The following DOCK3 variants were observed in gnomAD, a reference collection of about 807,000 sequenced individuals.
The protein encoded by DOCK3 is dedicator of cytokinesis 3.
DOCK3 carries 60 observed loss-of-function variants against 265.6 expected under a neutral mutation model. The ratio of observed to expected loss-of-function variants is 0.23; its 90% confidence interval spans 0.18 to 0.28. DOCK3 has a LOEUF of 0.28. Ranked by LOEUF, DOCK3 falls within the 10% of genes least tolerant of loss-of-function variation. The pLI, the probability that DOCK3 is intolerant of heterozygous loss-of-function variation, is 1.00. For synonymous variants in DOCK3, 881 were observed against 938.0 expected, an observed-to-expected ratio of 0.94 and a Z score of 1.11; for missense variants, 1,981 against 2,594.3, an observed-to-expected ratio of 0.76 and a Z score of 5.14.
At chr3:50,848,051 T>A (rs1353113247) in intron 3 of DOCK3, among the ~76,000 whole-genome samples, 1 of 28,622 alleles carries the variant, frequency 3.5e-5, no homozygotes, top group African/African-American at 1.4e-4. Flanking sequence ...TATATCACGC[T>A]CTTCTTTGTC....
At position 51,338,392 on chromosome 3, in the gene DOCK3, G is replaced by A. The variant is rs943567993; in HGVS notation, c.3645G>A (p.Lys1215=). 1 of 1,551,846 alleles carries A rather than the reference G, an allele frequency of 6.4e-7. No individual in the cohort carries two copies. The highest frequency in any genetic ancestry group is 1.7e-4 in the Middle Eastern group (1 of 5,992). ...TGAAAGGAGAGGAAACAGAGAATAA[G>A]AAGATAGGCTGCACTGTTAACCTGA... ...DCMKGEETEN[K]KIGCTVNLMN... is the part of the protein sequence containing the mutation. The change falls in exon 36 of 53, where the codon AAG becomes AAA. Residue 1215 remains lysine, a synonymous_variant. Transcript: ENST00000266037.
intron 12 of DOCK3, among the ~76,000 whole-genome samples, chr3:51,187,131 A>G (rs1391467546): frequency 6.6e-6 from 1 of 152,206 alleles, no homozygotes; most frequent in Non-Finnish European, 1.5e-5. Context: ...AGCAGCCAGG[A>G]GAGGGGCTAT....
intron 14 of DOCK3, among the ~76,000 whole-genome samples, chr3:51,218,905 T>C (rs543495044): frequency 6.6e-6 from 1 of 152,278 alleles, no homozygotes; most frequent in African/African-American, 2.4e-5. Flanking sequence ...GCAATTTGCA[T>C]CTCTCACAAG....
chr3:50,940,187 T>G (rs2076249381), intron 5 of DOCK3, among the ~76,000 whole-genome samples: 1 of 151,374 alleles, frequency 6.6e-6, no homozygotes, highest in Non-Finnish European at 1.5e-5. Context: ...CCAGGCACAG[T>G]GTCTCATGCT....
chr3:51,262,834 A>C (rs971220548), intron 23 of DOCK3, among the ~76,000 whole-genome samples: 6 of 152,226 alleles, frequency 3.9e-5, no homozygotes, highest in Admixed American at 6.5e-5. Context: ...TTGAAGATCA[A>C]CTTACTGAAA....
At chr3:51,278,961 A>T (rs1297904206) in intron 26 of DOCK3, among the ~76,000 whole-genome samples, 2 of 152,148 alleles carry the variant, frequency 1.3e-5, no homozygotes, top group African/African-American at 4.8e-5. Context: ...ATTTTTAATA[A>T]TTTCAGGCCA....
chr3:51,015,762 T>TC (rs2079134273), intron 5 of DOCK3, among the ~76,000 whole-genome samples: 1 of 23,124 alleles, frequency 4.3e-5, no homozygotes, highest in African/African-American at 3.1e-4. Context: ...CTATATATGA[T>TC]ATATATATCA....
Position 51,312,555 on chromosome 3 carries a change from A to G in DOCK3, c.3173A>G (p.Lys1058Arg). 1 of 1,592,410 alleles carries G rather than the reference A, an allele frequency of 6.3e-7. No individual in the cohort carries two copies. Among genetic ancestry groups the G allele is most frequent in the Non-Finnish European group, 8.5e-7 (1 of 1,174,790 alleles). The change falls in exon 30 of 53, where the codon AAA (lysine) becomes AGA (arginine). Residue 1058 changes from lysine to arginine, a missense_variant. Physicochemically the swap from Lys to Arg is conservative, Grantham distance 26 (BLOSUM62 2). This residue lies in a region of DOCK3 where 1,357 missense variants were observed against 1,866.8 expected (regional missense o/e 0.73). Transcript: ENST00000266037. ...CAGCTAGAAATTATCACCTCAGCCA[A>G]AAGGAAGAAGATTCTAGATAAGTAA... ...SLQLEIITSA[K>R]RKKILDKYGD...
At chr3:50,873,585 T>G (rs2047540446) in intron 3 of DOCK3, among the ~76,000 whole-genome samples, 1 of 152,208 alleles carries the variant, frequency 6.6e-6, no homozygotes, top group African/African-American at 2.4e-5. Context: ...CCTAATCCAC[T>G]GGCTCAGGGC....
At chr3:51,312,445 T>A in intron 29 of DOCK3, 31 bp from the exon 30 acceptor site, 1 of 1,582,736 alleles carries the variant, frequency 6.3e-7, no homozygotes, top group Non-Finnish European at 8.7e-7. Context: ...GTTCTTAGAC[T>A]GTCACATTTT....
intron 5 of DOCK3, among the ~76,000 whole-genome samples, chr3:51,040,486 C>G (rs760870299): frequency 1.3e-5 from 2 of 152,154 alleles, no homozygotes; most frequent in African/African-American, 2.4e-5. Flanking sequence ...GATCTTTTCT[C>G]TAGTGGAGGG....
intron 5 of DOCK3, among the ~76,000 whole-genome samples, chr3:50,971,554 C>T (rs2108473786): frequency 6.6e-6 from 1 of 152,302 alleles, no homozygotes; most frequent in South Asian, 2.1e-4. Context: ...TCTCAGGAAA[C>T]TAACCTTGTT....
At chr3:51,275,495 G>A (rs1199275009) in intron 25 of DOCK3, among the ~76,000 whole-genome samples, 1 of 152,138 alleles carries the variant, frequency 6.6e-6, no homozygotes, top group African/African-American at 2.4e-5. Context: ...TCCATCAATA[G>A]GTTTTAATTC....
chr3:51,070,524 C>A (rs1303705688), intron 6 of DOCK3, among the ~76,000 whole-genome samples: 3 of 152,218 alleles, frequency 2.0e-5, no homozygotes, highest in Non-Finnish European at 4.4e-5. Context: ...AGATGATGTA[C>A]ATAAAGTGCC....
chr3:51,270,362 C>T (rs1333190533), intron 23 of DOCK3, among the ~76,000 whole-genome samples: 2 of 152,338 alleles, frequency 1.3e-5, no homozygotes, highest in African/African-American at 4.8e-5. Context: ...GGCTGCAGGG[C>T]TGTGAGCAGA....
chr3:51,043,117 A>AAG (rs901018539), intron 5 of DOCK3, among the ~76,000 whole-genome samples: 2 of 152,182 alleles, frequency 1.3e-5, no homozygotes, highest in Non-Finnish European at 2.9e-5. Flanking sequence ...GTAACCAAAA[A>AAG]AGAGCCTGAA....
At chr3:50,720,911 G>A (rs1048581773) in intron 1 of DOCK3, among the ~76,000 whole-genome samples, 4 of 151,950 alleles carry the variant, frequency 2.6e-5, no homozygotes, top group African/African-American at 9.7e-5. Context: ...GTGTTAGATG[G>A]TGTCTCATTG....
At chr3:50,895,295 T>G (rs2355705) in intron 4 of DOCK3, among the ~76,000 whole-genome samples, 23,317 of 151,194 alleles carry the variant, frequency 0.15, 2,229 homozygotes, top group African/African-American at 0.26. Flanking sequence ...TCACGTGCAG[T>G]TTTGTTATAC....
intron 9 of DOCK3, among the ~76,000 whole-genome samples, chr3:51,113,659 G>A (rs903576941): frequency 6.6e-6 from 1 of 152,124 alleles, no homozygotes; most frequent in African/African-American, 2.4e-5. Flanking sequence ...GTCTCCATCA[G>A]TGATCTAATA....
Sources: allele counts gnomAD v4.1 joint callset (sites outside exome capture counted in the v4.1 genomes callset), GRCh38; gene constraint gnomAD v4.1.1; regional missense constraint gnomAD v4.1.1; transcripts MANE v1.5; gene names NCBI Gene and HGNC (gene_info 2026-07-23, HGNC 2026-07-21).